Variants in NPAS3 observed in about 807,000 individuals in gnomAD.
NPAS3 encodes neuronal PAS domain protein 3.
A neutral mutation model predicts 73.1 loss-of-function variants in NPAS3; 14 were observed. The observed-to-expected ratio is 0.19, with a 90% CI of 0.13 to 0.30. The LOEUF (loss-of-function observed/expected upper bound fraction) is 0.30, where lower values mean the gene tolerates loss of function less well. Ranked by LOEUF, NPAS3 falls within the 10% of genes least tolerant of loss-of-function variation. The pLI is 1.00. For missense variants in NPAS3, 1,096 were observed against 1,250.0 expected (o/e 0.88, Z 1.86); for synonymous variants, 620 against 541.5 (o/e 1.14, Z -2.01).
chr14:33,480,012 G>C (rs1218273178), intron 4 of NPAS3, among the ~76,000 whole-genome samples: 1 of 152,050 alleles, frequency 6.6e-6, no homozygotes, highest in Non-Finnish European at 1.5e-5. Context: ...CAGGAGGCTT[G>C]AGTTGGCTCG....
At chr14:33,016,407 AAT>A (rs1595233076) in intron 1 of NPAS3, among the ~76,000 whole-genome samples, 1 of 4,370 alleles carries the variant, frequency 2.3e-4, no homozygotes, top group African/African-American at 4.1e-4. Context: ...ATATTCATGG[AAT>A]GAATGAATGA....
At chr14:33,564,229 G>A (rs182200674) in intron 5 of NPAS3, among the ~76,000 whole-genome samples, 1 of 152,240 alleles carries the variant, frequency 6.6e-6, no homozygotes, top group Non-Finnish European at 1.5e-5. Flanking sequence ...ATGTAACCAT[G>A]AGCTTCATGG....
chr14:33,352,513 T>C (rs2045116783), intron 3 of NPAS3, among the ~76,000 whole-genome samples: 1 of 152,228 alleles, frequency 6.6e-6, no homozygotes, highest in Non-Finnish European at 1.5e-5. Flanking sequence ...TATCTCACTC[T>C]ACAGATGAGG....
intron 4 of NPAS3, among the ~76,000 whole-genome samples, chr14:33,474,592 C>T (rs949077247): frequency 4.6e-5 from 7 of 152,026 alleles, no homozygotes; most frequent in African/African-American, 1.4e-4. Flanking sequence ...TTAGACCAAA[C>T]AAATTTAACT....
intron 2 of NPAS3, among the ~76,000 whole-genome samples, chr14:33,208,854 G>C (rs2046926091): frequency 6.6e-6 from 1 of 152,186 alleles, no homozygotes; most frequent in Admixed American, 6.6e-5. Flanking sequence ...GTGAGCATCA[G>C]ACCATCAAAC....
At chr14:33,428,334 A>C (rs1401255991) in intron 4 of NPAS3, among the ~76,000 whole-genome samples, 1 of 152,118 alleles carries the variant, frequency 6.6e-6, no homozygotes, top group Non-Finnish European at 1.5e-5. Context: ...ATTGAATAAA[A>C]TATATACAAA....
intron 7 of NPAS3, among the ~76,000 whole-genome samples, chr14:33,738,158 C>G (rs1426822732): frequency 1.3e-5 from 2 of 152,102 alleles, no homozygotes; most frequent in African/African-American, 4.8e-5. Flanking sequence ...AGGCATGGTC[C>G]AAATGTTATA....
intron 2 of NPAS3, among the ~76,000 whole-genome samples, chr14:33,186,151 A>T (rs1156455787): frequency 6.6e-6 from 1 of 152,184 alleles, no homozygotes; most frequent in Non-Finnish European, 1.5e-5. Context: ...TGCTTTGCAA[A>T]TTAAGCCTTT....
intron 4 of NPAS3, among the ~76,000 whole-genome samples, chr14:33,538,099 C>T (rs11624096): frequency 0.2 from 30,629 of 152,074 alleles, 3,804 homozygotes; most frequent in African/African-American, 0.34. Flanking sequence ...CCTTTTGTGT[C>T]ATTTTGGCCA....
chr14:33,075,421 AC>A (rs1478972291), intron 2 of NPAS3, among the ~76,000 whole-genome samples: 6 of 152,224 alleles, frequency 3.9e-5, no homozygotes, highest in Non-Finnish European at 2.9e-5. Flanking sequence ...CATCTATTGT[AC>A]CATTAAAGTT....
Position 33,260,036 on chromosome 14 carries a change from T to C in NPAS3, c.385+44610T>C, listed in dbSNP as rs985790545. Among the ~76,000 whole-genome samples, 6 of 152,132 alleles carry C rather than the reference T, an allele frequency of 3.9e-5. No individual in the cohort carries two copies. The East Asian group carries it at 1.2e-3, about 29-fold the overall frequency. Reference sequence around the variant, plus strand: ...AGGTGGTCGGACACCCAAAAGCCTATTGCATGCAGCCGGCATTTTGTTGGC... The same window carrying C: ...AGGTGGTCGGACACCCAAAAGCCTACTGCATGCAGCCGGCATTTTGTTGGC... On this transcript the variant is annotated intron_variant, in intron 3 of 11. Coordinates refer to ENST00000356141, the Ensembl canonical transcript of NPAS3.
intron 2 of NPAS3, among the ~76,000 whole-genome samples, chr14:33,101,569 A>G (rs112346629): frequency 2.7e-3 from 408 of 152,238 alleles, no homozygotes; most frequent in African/African-American, 9.5e-3. Context: ...TTAGAGGAAG[A>G]TGAATGATAC....
At chr14:33,315,341 G>C (rs1476453854) in intron 3 of NPAS3, among the ~76,000 whole-genome samples, 2 of 152,028 alleles carry the variant, frequency 1.3e-5, no homozygotes, top group Non-Finnish European at 2.9e-5. Context: ...ATTAGTTGTA[G>C]GTTTCTGAGT....
intron 1 of NPAS3, among the ~76,000 whole-genome samples, chr14:33,039,763 T>TA (rs2040289583): frequency 2.6e-5 from 4 of 152,202 alleles, no homozygotes; most frequent in Admixed American, 6.5e-5. Context: ...AGCTCCTCTA[T>TA]TATTAAACAC....
At chr14:33,423,542 G>T (rs946913607) in intron 4 of NPAS3, among the ~76,000 whole-genome samples, 2 of 151,846 alleles carry the variant, frequency 1.3e-5, no homozygotes, top group Non-Finnish European at 2.9e-5. Flanking sequence ...ATTTGTTATT[G>T]CTGGTACAAA....
At chr14:33,598,166 CT>C (rs1407119943) in intron 5 of NPAS3, among the ~76,000 whole-genome samples, 1 of 152,196 alleles carries the variant, frequency 6.6e-6, no homozygotes, top group East Asian at 1.9e-4. Context: ...TCCTATGAGG[CT>C]AACACACTCA....
chr14:33,310,471 G>T (rs1458419583), intron 3 of NPAS3, among the ~76,000 whole-genome samples: 2 of 152,130 alleles, frequency 1.3e-5, no homozygotes, highest in African/African-American at 4.8e-5. Context: ...CTCACGTATT[G>T]AAGAACAGAT....
At chr14:33,488,440 A>T (rs2139789601) in intron 4 of NPAS3, among the ~76,000 whole-genome samples, 1 of 152,278 alleles carries the variant, frequency 6.6e-6, no homozygotes, top group East Asian at 1.9e-4. Context: ...GTTCTGCACT[A>T]GTTCTATCAG....
At chr14:32,955,038 C>T (rs1040146374) in intron 1 of NPAS3, among the ~76,000 whole-genome samples, 5 of 152,026 alleles carry the variant, frequency 3.3e-5, no homozygotes, top group African/African-American at 1.2e-4. Context: ...TAATATATTC[C>T]TACCTTTTGC....
Sources: allele counts gnomAD v4.1 joint callset (sites outside exome capture counted in the v4.1 genomes callset), GRCh38; gene constraint gnomAD v4.1.1; transcripts MANE v1.5; gene names NCBI Gene and HGNC (gene_info 2026-07-23, HGNC 2026-07-21).